PHACTR3: variants seen among roughly 807,000 people sequenced by gnomAD.
The protein encoded by PHACTR3 is phosphatase and actin regulator 3, also known as protein phosphatase 1, regulatory subunit 123.
A neutral mutation model predicts 66.8 loss-of-function variants in PHACTR3; 16 were observed. The observed-to-expected ratio is 0.24, with a 90% confidence interval of 0.16 to 0.36. The LOEUF is 0.36. Among genes scored for constraint, PHACTR3 ranks in the 10% least tolerant of loss-of-function variants. The pLI is 1.00. For missense variants in PHACTR3, 647 were observed against 719.9 expected (o/e 0.90, Z 1.16); for synonymous variants, 323 against 292.1 (o/e 1.11, Z -1.08).
At chr20:59,700,039 C>T (rs541325713) in intron 1 of PHACTR3, among the ~76,000 whole-genome samples, 5 of 152,204 alleles carry the variant, frequency 3.3e-5, no homozygotes, top group Admixed American at 3.3e-4. Context: ...AGTTCTCCTT[C>T]CCTGAGGCAA....
chr20:59,796,162 TA>T (rs986237802), intron 7 of PHACTR3, among the ~76,000 whole-genome samples: 1 of 152,100 alleles, frequency 6.6e-6, no homozygotes. Flanking sequence ...GGGGCTTATA[TA>T]AAAAATTATA....
At chr20:59,623,716 G>T (rs1246595052) in intron 1 of PHACTR3, among the ~76,000 whole-genome samples, 2 of 152,208 alleles carry the variant, frequency 1.3e-5, no homozygotes, top group Non-Finnish European at 2.9e-5. Flanking sequence ...CCTGGCAGAG[G>T]AACAGCGGAT....
intron 1 of PHACTR3, among the ~76,000 whole-genome samples, chr20:59,680,518 G>A (rs1186353316): frequency 2.0e-5 from 3 of 152,122 alleles, no homozygotes; most frequent in African/African-American, 7.2e-5. Flanking sequence ...TTTTCATTTA[G>A]CACCCTCCTC....
At chr20:59,680,168 G>A (rs910391928) in intron 1 of PHACTR3, among the ~76,000 whole-genome samples, 1 of 152,042 alleles carries the variant, frequency 6.6e-6, no homozygotes, top group South Asian at 2.1e-4. Context: ...TTCCGTGTGG[G>A]GATGTGTTGT....
chr20:59,692,462 C>T (rs562731111), intron 1 of PHACTR3, among the ~76,000 whole-genome samples: 1 of 152,316 alleles, frequency 6.6e-6, no homozygotes, highest in South Asian at 2.1e-4. Flanking sequence ...GTGAGTCTGT[C>T]ATGGTCTCTG....
At chr20:59,725,396 C>T (rs571093590) in intron 1 of PHACTR3, among the ~76,000 whole-genome samples, 1 of 151,880 alleles carries the variant, frequency 6.6e-6, no homozygotes, top group East Asian at 1.9e-4. Flanking sequence ...GCTGTGAGCC[C>T]AGATCGGTAT....
intron 3 of PHACTR3, among the ~76,000 whole-genome samples, chr20:59,754,025 C>T (rs991349464): frequency 6.6e-6 from 1 of 152,234 alleles, no homozygotes; most frequent in South Asian, 2.1e-4. Context: ...GGTCACACTG[C>T]CCTCTGCACC....
chr20:59,812,281 T>G (rs1457286846), intron 8 of PHACTR3, among the ~76,000 whole-genome samples: 1 of 152,240 alleles, frequency 6.6e-6, no homozygotes, highest in African/African-American at 2.4e-5. Context: ...AGAAGCTGAT[T>G]AATGCTCAGT....
chr20:59,831,518 G>A (rs879525949), intron 8 of PHACTR3, among the ~76,000 whole-genome samples: 16 of 152,224 alleles, frequency 1.1e-4, no homozygotes, highest in South Asian at 6.2e-4. Context: ...AGCTCCAGGC[G>A]GCACCAGGAC....
chr20:59,816,058 T>A (rs943871710), intron 8 of PHACTR3, among the ~76,000 whole-genome samples: 10 of 152,208 alleles, frequency 6.6e-5, no homozygotes, highest in Admixed American at 5.2e-4. Flanking sequence ...AATGAAGTTA[T>A]TATACAACTC....
intron 1 of PHACTR3, among the ~76,000 whole-genome samples, chr20:59,580,357 C>T (rs1166744161): frequency 6.6e-6 from 1 of 152,160 alleles, no homozygotes; most frequent in Non-Finnish European, 1.5e-5. Flanking sequence ...ATCTGTCCAG[C>T]TGCCACCTGA....
chr20:59,615,208 C>T (rs1484664691), intron 1 of PHACTR3, among the ~76,000 whole-genome samples: 26 of 151,988 alleles, frequency 1.7e-4, no homozygotes, highest in East Asian at 1.9e-4. Flanking sequence ...CAGAAATATG[C>T]GAAGAAACCA....
intron 4 of PHACTR3, among the ~76,000 whole-genome samples, chr20:59,759,721 T>C (rs2039931602): frequency 6.6e-6 from 1 of 152,194 alleles, no homozygotes; most frequent in African/African-American, 2.4e-5. Flanking sequence ...CTGTCTGTTC[T>C]CTTCCCACAT....
At chr20:59,743,679 C>T (rs1186639873) in intron 2 of PHACTR3, among the ~76,000 whole-genome samples, 1 of 152,236 alleles carries the variant, frequency 6.6e-6, no homozygotes, top group Non-Finnish European at 1.5e-5. Flanking sequence ...ACCTCACCTC[C>T]CACACCTGCA....
chr20:59,694,522 A>G (rs191685331), intron 1 of PHACTR3, among the ~76,000 whole-genome samples: 53 of 151,988 alleles, frequency 3.5e-4, no homozygotes, highest in Non-Finnish European at 6.2e-4. Flanking sequence ...GAAAGCCTCG[A>G]TGGAAGAAGG....
At chr20:59,828,270 G>A (rs1183820246) in intron 8 of PHACTR3, among the ~76,000 whole-genome samples, 1 of 152,172 alleles carries the variant, frequency 6.6e-6, no homozygotes, top group Admixed American at 6.5e-5. Context: ...TCACCAAGAA[G>A]CATTCCTCCA....
chr20:59,625,689 G>A (rs1405396669), intron 1 of PHACTR3, among the ~76,000 whole-genome samples: 1 of 152,080 alleles, frequency 6.6e-6, no homozygotes, highest in African/African-American at 2.4e-5. Flanking sequence ...TCACCCCAAT[G>A]TCAGAGTGGG....
intron 1 of PHACTR3, among the ~76,000 whole-genome samples, chr20:59,581,247 T>C (rs2032847414): frequency 6.6e-6 from 1 of 152,220 alleles, no homozygotes; most frequent in Non-Finnish European, 1.5e-5. Flanking sequence ...CTGTGACCAA[T>C]GGGTGCTTGG....
At chr20:59,716,090 A>G (rs2038080999) in intron 1 of PHACTR3, among the ~76,000 whole-genome samples, 1 of 151,882 alleles carries the variant, frequency 6.6e-6, no homozygotes, top group Non-Finnish European at 1.5e-5. Flanking sequence ...CCTCTGGCTC[A>G]TGGTGCTCAC....
Sources: allele counts gnomAD v4.1 joint callset (sites outside exome capture counted in the v4.1 genomes callset), GRCh38; gene constraint gnomAD v4.1.1; transcripts MANE v1.5; gene names NCBI Gene and HGNC (gene_info 2026-07-23, HGNC 2026-07-21).